The following KCNQ3 variants were observed in gnomAD, a reference collection of about 807,000 sequenced individuals.
KCNQ3 encodes the protein potassium voltage-gated channel subfamily KQT member 3.
A neutral mutation model predicts 92.5 loss-of-function variants in KCNQ3; 30 were observed. That is an observed-to-expected ratio of 0.32 (90% CI 0.24 to 0.44). The LOEUF (loss-of-function observed/expected upper bound fraction) is 0.44, where lower values mean the gene tolerates loss of function less well. Ranked by LOEUF, KCNQ3 falls within the 20% of genes least tolerant of loss-of-function variation. KCNQ3 has a pLI of 1.00. For missense variants in KCNQ3, 913 were observed against 1,140.3 expected (o/e 0.80, Z 2.87); for synonymous variants, 450 against 468.8 (o/e 0.96, Z 0.52).
At position 132,182,882 on chromosome 8, in the gene KCNQ3, G is replaced by GCACACA. The variant is rs3993055; in HGVS notation, c.604+1353_604+1358dup. On this transcript the variant is annotated intron_variant, in intron 3 of 14. Coordinates refer to ENST00000388996, the MANE Select transcript of KCNQ3 (RefSeq NM_004519.4). ...ATCATTAAAAAAGTCCTCCAATATCGCACACACACACACACACACACACAC... is the reference window on the plus strand; with the variant it reads ...ATCATTAAAAAAGTCCTCCAATATCGCACACACACACACACACACACACACACACAC... Among the ~76,000 whole-genome samples, 533 of 146,092 alleles carry GCACACA rather than the reference G, an allele frequency of 3.6e-3. 2 individuals are homozygous for GCACACA. The highest frequency in any genetic ancestry group is 0.011 in the African/African-American group (454 of 40,104).
intron 1 of KCNQ3, among the ~76,000 whole-genome samples, chr8:132,240,969 G>C (rs1268123021): frequency 2.0e-5 from 3 of 149,978 alleles, no homozygotes; most frequent in Non-Finnish European, 4.5e-5. Context: ...GCTCACTGCA[G>C]CCTCTGCCTC....
At chr8:132,389,268 C>A (rs1348874200) in intron 1 of KCNQ3, among the ~76,000 whole-genome samples, 1 of 152,034 alleles carries the variant, frequency 6.6e-6, no homozygotes, top group Admixed American at 6.6e-5. Flanking sequence ...GCCAGCCTAG[C>A]CAACATGGTG....
chr8:132,340,097 A>G (rs1291935835), intron 1 of KCNQ3, among the ~76,000 whole-genome samples: 1 of 152,190 alleles, frequency 6.6e-6, no homozygotes, highest in African/African-American at 2.4e-5. Context: ...CAATTATTAA[A>G]AAGTCAGGAA....
chr8:132,400,421 G>A (rs1009552585), intron 1 of KCNQ3, among the ~76,000 whole-genome samples: 1 of 152,208 alleles, frequency 6.6e-6, no homozygotes, highest in South Asian at 2.1e-4. Context: ...AGTGACATTT[G>A]ATCAACTTTG....
intron 1 of KCNQ3, among the ~76,000 whole-genome samples, chr8:132,352,109 T>C (rs11985143): frequency 0.03 from 4,495 of 152,278 alleles, 237 homozygotes; most frequent in African/African-American, 0.1. Flanking sequence ...AGGGTGGCAC[T>C]GTTTTCAACC....
chr8:132,190,134 G>T (rs1360015900), intron 1 of KCNQ3, among the ~76,000 whole-genome samples: 1 of 152,114 alleles, frequency 6.6e-6, no homozygotes, highest in Non-Finnish European at 1.5e-5. Context: ...AACTAATTTG[G>T]CAGGAAAAGG....
At position 132,462,187 on chromosome 8, in the gene KCNQ3, T is replaced by G. The variant is rs918807952; in HGVS notation, c.386+17960A>C. 5.4e-3 allele frequency among the ~76,000 whole-genome samples: 811 copies of G among 151,452 alleles called. 18 individuals carry two copies. Among genetic ancestry groups the G allele is most frequent in the Admixed American group, 0.042 (644 of 15,194 alleles). ...ATTGTACATTTATTTATGTATTTAT[T>G]TATTTATTTATTTATTTATTTTATT... On this transcript the variant is annotated intron_variant, in intron 1 of 14. Transcript: ENST00000388996.
At position 132,460,616 on chromosome 8, in the gene KCNQ3, T is replaced by G. The variant is rs74981331; in HGVS notation, c.386+19531A>C. Among the ~76,000 whole-genome samples, 1,455 of 152,338 alleles carry G rather than the reference T, an allele frequency of 9.6e-3. 16 individuals carry two copies. The highest frequency in any genetic ancestry group is 0.033 in the African/African-American group (1,375 of 41,576). On this transcript the variant is annotated intron_variant, in intron 1 of 14. Coordinates refer to ENST00000388996, the MANE Select transcript of KCNQ3 (RefSeq NM_004519.4). ...AAACTCCATTCATTGCCAAAGTTGC[T>G]TAGGTCAGCACCTTCTCCCTCCATC...
At chr8:132,452,201 A>C (rs1374940562) in intron 1 of KCNQ3, among the ~76,000 whole-genome samples, 1 of 152,252 alleles carries the variant, frequency 6.6e-6, no homozygotes, top group Admixed American at 6.5e-5. Flanking sequence ...AAACATTTTC[A>C]TCCCCCCAAA....
At chr8:132,414,756 CAAA>C (rs1820748830) in intron 1 of KCNQ3, among the ~76,000 whole-genome samples, 10 of 152,184 alleles carry the variant, frequency 6.6e-5, no homozygotes. Context: ...ACAGAGGGAG[CAAA>C]CAAACACTGT....
intron 1 of KCNQ3, among the ~76,000 whole-genome samples, chr8:132,461,952 T>C (rs1220773566): frequency 6.6e-6 from 1 of 152,220 alleles, no homozygotes; most frequent in African/African-American, 2.4e-5. Flanking sequence ...GGCAAATATT[T>C]CTCCAAGTCA....
intron 1 of KCNQ3, among the ~76,000 whole-genome samples, chr8:132,316,388 C>CG (rs1817743922): frequency 6.6e-6 from 1 of 152,138 alleles, no homozygotes; most frequent in Non-Finnish European, 1.5e-5. Context: ...CAGATAGACC[C>CG]GGTTAGAATA....
intron 8 of KCNQ3, among the ~76,000 whole-genome samples, chr8:132,168,614 T>G (rs1417840488): frequency 6.6e-6 from 1 of 152,092 alleles, no homozygotes; most frequent in Non-Finnish European, 1.5e-5. Flanking sequence ...TACTTTGTCA[T>G]GGTCACTGAC....
At chr8:132,192,866 C>T (rs1827200044) in intron 1 of KCNQ3, among the ~76,000 whole-genome samples, 1 of 152,238 alleles carries the variant, frequency 6.6e-6, no homozygotes, top group South Asian at 2.1e-4. Flanking sequence ...AGGCTGGTCT[C>T]GAACTCCTGA....
At chr8:132,339,308 A>G (rs1818453445) in intron 1 of KCNQ3, among the ~76,000 whole-genome samples, 1 of 152,160 alleles carries the variant, frequency 6.6e-6, no homozygotes, top group Non-Finnish European at 1.5e-5. Context: ...TCCGTTACTC[A>G]TTTATTCATT....
intron 1 of KCNQ3, among the ~76,000 whole-genome samples, chr8:132,346,776 G>A (rs1818700634): frequency 6.6e-6 from 1 of 152,196 alleles, no homozygotes; most frequent in African/African-American, 2.4e-5. Flanking sequence ...TCTGGGAGGG[G>A]AGAAGAGGAG....
At chr8:132,458,246 C>G (rs1260578707) in intron 1 of KCNQ3, among the ~76,000 whole-genome samples, 2 of 152,218 alleles carry the variant, frequency 1.3e-5, no homozygotes, top group Non-Finnish European at 2.9e-5. Flanking sequence ...CAGCAACCAA[C>G]AACAGTTCAC....
At chr8:132,342,974 T>C (rs955253045) in intron 1 of KCNQ3, among the ~76,000 whole-genome samples, 6 of 152,174 alleles carry the variant, frequency 3.9e-5, no homozygotes, top group Admixed American at 1.3e-4. Flanking sequence ...AAAGAAAGCA[T>C]AGGGCCACTT....
In KCNQ3 at chr8:132,328,994, T is replaced by C. The variant is rs559484816; in HGVS notation, c.387-142813A>G. Among the ~76,000 whole-genome samples the C allele has an allele frequency of 7.2e-5, 11 of 152,264 alleles. No individual in the cohort carries two copies. The South Asian group carries it at 2.3e-3, about 32-fold the overall frequency. On this transcript the variant is annotated intron_variant, in intron 1 of 14. Transcript: ENST00000388996. ...CATTCAGTTACTGAGCTCTTTACTA[T>C]CACGTTCAGCAGGTACGCGCTGAGT...
Sources: gnomAD v4.1 joint callset for allele counts (sites outside exome capture counted in the v4.1 genomes callset) on GRCh38, gnomAD v4.1.1 for gene constraint, MANE v1.5 for transcripts, NCBI Gene and HGNC (gene_info 2026-07-23, HGNC 2026-07-21) for gene names.